CRACD: variants seen among roughly 807,000 people sequenced by gnomAD.
CRACD encodes the protein capping protein-inhibiting regulator of actin dynamics.
CRACD carries 56 observed loss-of-function variants against 106.8 expected under a neutral mutation model. That is an observed-to-expected ratio of 0.52 (90% CI 0.42 to 0.66). The LOEUF is 0.66. Among genes scored for constraint, CRACD ranks in the 30% least tolerant of loss-of-function variants. The pLI, the probability that CRACD is intolerant of heterozygous loss-of-function variation, is 0.00. For synonymous variants in CRACD, 754 were observed against 670.8 expected (o/e 1.12, Z -1.92); for missense variants, 1,730 against 1,623.2 (o/e 1.07, Z -1.13).
At chr4:56,052,075 TA>T (rs1356208946) in intron 1 of CRACD, among the ~76,000 whole-genome samples, 2 of 152,180 alleles carry the variant, frequency 1.3e-5, no homozygotes, top group African/African-American at 4.8e-5. Flanking sequence ...ATTTTATTTT[TA>T]TTTTTTTAAA....
At chr4:56,118,188 C>T (rs1734358940) in intron 1 of CRACD, among the ~76,000 whole-genome samples, 1 of 152,182 alleles carries the variant, frequency 6.6e-6, no homozygotes, top group Admixed American at 6.5e-5. Context: ...ACACATCAGC[C>T]CTAGGCTAAT....
chr4:56,247,849 G>GA (rs58377145), intron 2 of CRACD, among the ~76,000 whole-genome samples: 94 of 146,020 alleles, frequency 6.4e-4, no homozygotes, highest in African/African-American at 1.1e-3. Context: ...CCATCTTACA[G>GA]AAAAAAAAAA....
chr4:56,302,493 G>T (rs892141326), intron 4 of CRACD, among the ~76,000 whole-genome samples: 2 of 152,098 alleles, frequency 1.3e-5, no homozygotes, highest in Admixed American at 1.3e-4. Flanking sequence ...TGAGTGGCTT[G>T]TATCTCCCAC....
chr4:56,138,032 G>A (rs535783551), intron 1 of CRACD, among the ~76,000 whole-genome samples: 1 of 152,002 alleles, frequency 6.6e-6, no homozygotes, highest in Non-Finnish European at 1.5e-5. Context: ...ATACCTTTTA[G>A]AGGTTTAGAC....
chr4:56,217,390 T>C (rs1738761617), intron 2 of CRACD, among the ~76,000 whole-genome samples: 1 of 134,650 alleles, frequency 7.4e-6, no homozygotes, highest in African/African-American at 2.7e-5. Context: ...TATCAATCAA[T>C]ACATGTAAAA....
intron 2 of CRACD, among the ~76,000 whole-genome samples, chr4:56,199,434 A>G (rs1450133370): frequency 1.3e-5 from 2 of 152,208 alleles, no homozygotes; most frequent in Non-Finnish European, 1.5e-5. Flanking sequence ...CTGTAATCCC[A>G]GCACTTTGGG....
chr4:56,205,882 G>A (rs775432285), intron 2 of CRACD, among the ~76,000 whole-genome samples: 2 of 152,064 alleles, frequency 1.3e-5, no homozygotes, highest in East Asian at 3.8e-4. Context: ...TGGTAATCCC[G>A]TAGCTCAGTA....
intron 2 of CRACD, among the ~76,000 whole-genome samples, chr4:56,231,657 A>C (rs976659442): frequency 6.6e-6 from 1 of 152,268 alleles, no homozygotes; most frequent in Admixed American, 6.5e-5. Context: ...GGTAATGAGC[A>C]GTCCACAAGC....
chr4:56,304,988 T>G (rs1744598912), intron 4 of CRACD, among the ~76,000 whole-genome samples: 1 of 151,412 alleles, frequency 6.6e-6, no homozygotes, highest in African/African-American at 2.4e-5. Flanking sequence ...GGGAGCCTAA[T>G]GCAGGAGGAT....
At chr4:56,233,420 T>A (rs1465570581) in intron 2 of CRACD, among the ~76,000 whole-genome samples, 1 of 152,206 alleles carries the variant, frequency 6.6e-6, no homozygotes, top group Non-Finnish European at 1.5e-5. Flanking sequence ...TACAGTTTTT[T>A]TTTTAACCAT....
At chr4:56,149,946 G>T (rs1359537791) in intron 1 of CRACD, among the ~76,000 whole-genome samples, 1 of 152,084 alleles carries the variant, frequency 6.6e-6, no homozygotes, top group East Asian at 1.9e-4. Flanking sequence ...TTGATTGGAG[G>T]ACTGAAAAAT....
chr4:56,132,852 T>C (rs1415759073), intron 1 of CRACD, among the ~76,000 whole-genome samples: 1 of 152,168 alleles, frequency 6.6e-6, no homozygotes, highest in Non-Finnish European at 1.5e-5. Flanking sequence ...CCCGTTCTCA[T>C]CAATTAGCTA....
chr4:56,177,594 AT>A (rs1257095805), intron 1 of CRACD, among the ~76,000 whole-genome samples: 1 of 152,162 alleles, frequency 6.6e-6, no homozygotes, highest in Non-Finnish European at 1.5e-5. Flanking sequence ...TAGAATTGGT[AT>A]TAGTTTTTCT....
chr4:56,184,510 T>C (rs894369310), intron 2 of CRACD, among the ~76,000 whole-genome samples: 2 of 152,216 alleles, frequency 1.3e-5, no homozygotes, highest in African/African-American at 4.8e-5. Context: ...ATCACACAGG[T>C]CTGGCTAGGG....
Position 56,315,966 on chromosome 4 carries a change from A to G in CRACD, c.2464A>G (p.Ser822Gly). The part of the protein sequence containing the change: ...AHTEFTTSSD[S>G]ETANGIAKPD... ...CACAGAGTTCACGACCTCGTCGGACAGCGAGACTGCAAACGGGATAGCAAA... is the reference window on the plus strand; with the variant it reads ...CACAGAGTTCACGACCTCGTCGGACGGCGAGACTGCAAACGGGATAGCAAA... Residue 822 changes from serine to glycine, a missense_variant, in exon 8 of 11, where the codon AGC becomes GGC. Ser to Gly is a moderately conservative substitution (Grantham distance 56). Around this residue, in one of 5 missense-constraint regions of CRACD, gnomAD observed 1,620 missense variants for 1,481.6 expected, o/e 1.09. Coordinates refer to ENST00000682029, the MANE Select transcript of CRACD (RefSeq NM_001393381.1). The surrounding 1 kb of genome is among the most constrained non-coding windows in gnomAD (Gnocchi z 4.1). 6.2e-7 allele frequency: 1 copy of G among 1,614,242 alleles called. No homozygotes were observed.
At chr4:56,267,107 C>T (rs1742065580) in intron 2 of CRACD, among the ~76,000 whole-genome samples, 1 of 147,422 alleles carries the variant, frequency 6.8e-6, no homozygotes, top group Admixed American at 7.1e-5. Flanking sequence ...ATTAAATACA[C>T]TTTTAAATTT....
intron 1 of CRACD, among the ~76,000 whole-genome samples, chr4:56,108,774 C>A (rs1182601278): frequency 6.6e-6 from 1 of 152,194 alleles, no homozygotes; most frequent in Non-Finnish European, 1.5e-5. Flanking sequence ...CAGCATATGT[C>A]AGCGTTTTCT....
At chr4:56,053,832 T>A (rs1317075291) in intron 1 of CRACD, among the ~76,000 whole-genome samples, 2 of 152,230 alleles carry the variant, frequency 1.3e-5, no homozygotes, top group Non-Finnish European at 2.9e-5. Context: ...GGTTTATTTA[T>A]GTGGTTTGAG....
At chr4:56,220,799 AG>A in intron 2 of CRACD, among the ~76,000 whole-genome samples, 1 of 152,282 alleles carries the variant, frequency 6.6e-6, no homozygotes, top group African/African-American at 2.4e-5. Flanking sequence ...CATAGTGGAT[AG>A]CAAAATTGAT....
Sources: gnomAD v4.1 joint callset for allele counts (sites outside exome capture counted in the v4.1 genomes callset) on GRCh38, gnomAD v4.1.1 for gene constraint, gnomAD v4.1.1 regional missense constraint, Gnocchi (gnomAD v3.1) non-coding constraint, MANE v1.5 for transcripts, NCBI Gene and HGNC (gene_info 2026-07-23, HGNC 2026-07-21) for gene names.